Variants in IL12RB1 observed in about 807,000 individuals in gnomAD.
IL12RB1 encodes interleukin 12 receptor subunit beta 1.
Under a neutral mutation model 94.4 loss-of-function variants are expected in IL12RB1, and 64 were observed. The observed-to-expected ratio is 0.68, with a 90% CI of 0.55 to 0.83. The LOEUF is 0.83. Ranked by LOEUF, IL12RB1 falls within the 40% of genes least tolerant of loss-of-function variation. The pLI is 0.00. For synonymous variants in IL12RB1, 362 were observed against 355.5 expected, an observed-to-expected ratio of 1.02 and a Z score of -0.21; for missense variants, 814 against 855.6, an observed-to-expected ratio of 0.95 and a Z score of 0.61.
At chr19:18,098,790 G>A (rs1175348400) in exon 1 of IL12RB1, 1 of 456,710 alleles carries the variant, frequency 2.2e-6, no homozygotes, top group Non-Finnish European at 4.4e-6. Flanking sequence ...CTGTGTGCCT[G>A]GCTCTGGAGA....
At chr19:18,083,289 A>T in intron 2 of IL12RB1, 143 bp downstream of exon 2, 1 of 805,844 alleles carries the variant, frequency 1.2e-6, no homozygotes, top group East Asian at 2.4e-5. Context: ...ATGGGCCAGC[A>T]GGTGGTGGGG....
chr19:18,073,848 G>A (rs1021802329), intron 7 of IL12RB1, among the ~76,000 whole-genome samples: 8 of 152,174 alleles, frequency 5.3e-5, no homozygotes, highest in African/African-American at 1.4e-4. Flanking sequence ...TTTTTGAGAC[G>A]AAGTCTCACT....
chr19:18,071,954 C>T (rs1047508564), intron 9 of IL12RB1, among the ~76,000 whole-genome samples, 158 bp downstream of exon 9: 16 of 152,132 alleles, frequency 1.1e-4, no homozygotes, highest in Non-Finnish European at 2.1e-4. Flanking sequence ...TGTGAGCCAC[C>T]GTGCCTGGCT....
At chr19:18,075,609 C>T in intron 7 of IL12RB1, 140 bp downstream of exon 7, 2 of 767,762 alleles carry the variant, frequency 2.6e-6, no homozygotes, top group Non-Finnish European at 4.7e-6. Context: ...GTTGCCCGGG[C>T]TGGTCTCAAA....
At chr19:18,073,927 C>T (rs758993490) in intron 7 of IL12RB1, among the ~76,000 whole-genome samples, 32 of 152,164 alleles carry the variant, frequency 2.1e-4, no homozygotes, top group Admixed American at 2.0e-4. Context: ...TGGGTTCAAG[C>T]GATTCTCCTG....
At chr19:18,093,987 C>G (rs538201698) in intron 1 of IL12RB1, among the ~76,000 whole-genome samples, 1 of 152,296 alleles carries the variant, frequency 6.6e-6, no homozygotes, top group East Asian at 1.9e-4. Flanking sequence ...TTGAAGGATG[C>G]ATAGGAGTTT....
chr19:18,083,446 G>A lies in IL12RB1; in HGVS notation c.110C>T (p.Pro37Leu), dbSNP rs142484991. The change falls in exon 2 of 17, where the codon CCG becomes CTG. Residue 37 changes from proline (P) to leucine (L), a missense_variant. Transcript: ENST00000593993. ...CTGCCCCGAACCTGAGTCTGCATCC[G>A]GATATGGCGGGTCCTGAAAACAGCA... The part of the protein sequence containing the change: ...SECCFQDPPY[P>L]DADSGSASGP... 5.1e-5 allele frequency: 83 copies of A among 1,613,882 alleles called. No individual in the cohort carries two copies. Among genetic ancestry groups the A allele is most frequent in the Non-Finnish European group, 6.2e-5 (73 of 1,179,958 alleles).
upstream of IL12RB1, among the ~76,000 whole-genome samples, chr19:18,087,661 A>T (rs2036428499): frequency 1.3e-5 from 2 of 150,460 alleles, no homozygotes; most frequent in Admixed American, 6.6e-5. Context: ...GACTACAGGC[A>T]TGCACCACCA....
chr19:18,092,614 G>A (rs1416385185), intron 1 of IL12RB1, among the ~76,000 whole-genome samples: 1 of 151,512 alleles, frequency 6.6e-6, no homozygotes, highest in Non-Finnish European at 1.5e-5. Context: ...AGGTTGCAGT[G>A]AGCTGAGATT....
upstream of IL12RB1, among the ~76,000 whole-genome samples, chr19:18,087,846 A>G (rs184508279): frequency 3.5e-4 from 54 of 152,118 alleles, no homozygotes; most frequent in Admixed American, 2.0e-3. Context: ...TGAATCTGAG[A>G]CTCAAGAGCT....
chr19:18,086,245 T>C (rs2036330261), intron 1 of IL12RB1, among the ~76,000 whole-genome samples: 1 of 147,706 alleles, frequency 6.8e-6, no homozygotes, highest in African/African-American at 2.6e-5. Context: ...AATAAATAAA[T>C]AAATAAATAA....
chr19:18,064,069 T>C, intron 12 of IL12RB1, 59 bp from the exon 13 acceptor site: 1 of 1,312,540 alleles, frequency 7.6e-7, no homozygotes, highest in Non-Finnish European at 1.1e-6. Flanking sequence ...GAGGCCAGGC[T>C]GGGCTACCAC....
rs528615642 is a variant in IL12RB1 at position 18,069,573 on chromosome 19, G to A, written c.1162C>T (p.Pro388Ser). The A allele has an allele frequency of 2.5e-6, 4 of 1,611,064 alleles. No individual in the cohort carries two copies. The highest frequency in any genetic ancestry group is 3.3e-5 in the Admixed American group (2 of 59,988). The change falls in exon 10 of 17, where the codon CCG (proline) becomes TCG (serine). Residue 388 changes from proline to serine, a missense_variant. By Grantham distance (74) the Pro-to-Ser change is moderately conservative. Coordinates refer to ENST00000593993, the MANE Select transcript of IL12RB1 (RefSeq NM_005535.3). ...ATTCCAGCCGGATCCGGGTCTTGCG[G>A]CGCAGTCAGGCTGCAGGTGGCAAGG... is the stretch of plus-strand genomic sequence containing the variant. ...GGLATCSLTAPQDPDPAGMAT... is the reference protein window; with the variant it reads ...GGLATCSLTASQDPDPAGMAT...
Position 18,066,383 on chromosome 19 carries a change from AG to A in IL12RB1, c.1483+158del, listed in dbSNP as rs562581376. Among the ~76,000 whole-genome samples, 366 of 152,260 alleles carry A rather than the reference AG, an allele frequency of 2.4e-3. 4 individuals are homozygous for A. The highest frequency in any genetic ancestry group is 8.4e-3 in the African/African-American group (350 of 41,578). On this transcript the variant is annotated intron_variant, in intron 12 of 16. Transcript: ENST00000593993. The stretch of plus-strand genomic sequence containing the variant: ...TGGCCTCCCAAAGTGCTGGGATTAC[AG>A]GCGTGAGCCACTGCGCCCAGCCAAT...
rs193097863 is a variant in IL12RB1 at position 18,076,325 on chromosome 19, G to A, written c.552C>T (p.Gly184=). The stretch of plus-strand genomic sequence containing the variant: ...TATCATCATCCTGAGGTCCGCAGTC[G>A]CCCTAGAATAAAAACATATTCATAT... ...HRTPSSPWKL[G]DCGPQDDDTE... The change falls in exon 6 of 17, where the codon GGC becomes GGT. Residue 184 remains glycine (G), a splice_region_variant and synonymous_variant. Coordinates refer to ENST00000593993, the MANE Select transcript of IL12RB1 (RefSeq NM_005535.3). The A allele has an allele frequency of 4.5e-5, 63 of 1,406,656 alleles. No individual in the cohort carries two copies. The highest frequency in any genetic ancestry group is 2.0e-4 in the Admixed American group (12 of 59,710). The allele number at this position is 1,406,656 out of a possible 1,614,324, so 87.1% of individuals were successfully genotyped here.
intron 12 of IL12RB1, among the ~76,000 whole-genome samples, chr19:18,065,903 G>A (rs1033903936): frequency 6.6e-6 from 1 of 151,700 alleles, no homozygotes; most frequent in Non-Finnish European, 1.5e-5. Context: ...ACTGTGCATG[G>A]TGGTGTGCAC....
chr19:18,097,107 A>G lies in IL12RB1; in HGVS notation c.-230+1648T>C, dbSNP rs565112301. Among the ~76,000 whole-genome samples, 20 of 152,282 alleles carry G rather than the reference A, an allele frequency of 1.3e-4. 1 individual carries two copies. The East Asian group carries it at 3.1e-3, about 23-fold the overall frequency. On this transcript the variant is annotated intron_variant, in intron 1 of 4. Transcript: ENST00000594176. Reference sequence around the variant, plus strand: ...TGTGGGGCCACCTTAAATTTTGCACAGGGGTGAGATCCTCACTCGCCTCAC... The same window carrying G: ...TGTGGGGCCACCTTAAATTTTGCACGGGGGTGAGATCCTCACTCGCCTCAC...
chr19:18,075,715 C>T (rs2035423018), intron 7 of IL12RB1, 34 bp downstream of exon 7: 1 of 1,595,952 alleles, frequency 6.3e-7, no homozygotes, highest in Non-Finnish European at 8.6e-7. Flanking sequence ...ATTTCTAATG[C>T]TTGCCCCTGT....
At position 18,066,044 on chromosome 19, in the gene IL12RB1, T is replaced by TA. The variant is rs76051228; in HGVS notation, c.1483+497dup. 4.5e-3 allele frequency among the ~76,000 whole-genome samples: 588 copies of TA among 131,900 alleles called. 2 individuals are homozygous for TA. Among genetic ancestry groups the TA allele is most frequent in the South Asian group, 7.8e-3 (30 of 3,848 alleles). 86.5% of individuals were successfully genotyped at this position (131,900 alleles called of 152,430 possible). A position where few individuals can be genotyped will look rare whatever the true frequency, so the allele number is the denominator to read the frequency against. ...CAGAGTGAGTCCCTGTCTATAAAAT[T>TA]AAAAAAAAAAAAAAAAAGACCCTCA... On this transcript the variant is annotated intron_variant, in intron 12 of 16. Transcript: ENST00000593993.
Sources: allele counts gnomAD v4.1 joint callset (sites outside exome capture counted in the v4.1 genomes callset), GRCh38; gene constraint gnomAD v4.1.1; transcripts MANE v1.5; gene names NCBI Gene and HGNC (gene_info 2026-07-23, HGNC 2026-07-21).